Variants in PPARG observed in about 807,000 individuals in gnomAD.
PPARG encodes the protein peroxisome proliferator-activated receptor gamma.
PPARG carries 17 observed loss-of-function variants against 39.2 expected under a neutral mutation model. That is an observed-to-expected ratio of 0.43 (90% CI 0.30 to 0.65). PPARG has a LOEUF of 0.65. Among genes scored for constraint, PPARG ranks in the 30% least tolerant of loss-of-function variants. The probability of loss-of-function intolerance (pLI) is 0.13; values close to 1 mark genes in which losing one functional copy is unlikely to be tolerated. For missense variants in PPARG, 406 were observed against 585.9 expected (o/e 0.69, Z 3.17); for synonymous variants, 223 against 215.7 (o/e 1.03, Z -0.30).
intron 5 of PPARG, among the ~76,000 whole-genome samples, chr3:12,401,131 C>T (rs2050455013): frequency 1.3e-5 from 2 of 152,216 alleles, no homozygotes; most frequent in Admixed American, 6.5e-5. Flanking sequence ...TGTTCATCTT[C>T]TATTTCTAAG....
intron 2 of PPARG, chr3:12,351,722 G>A (rs759923616): frequency 1.2e-5 from 17 of 1,446,856 alleles, no homozygotes; most frequent in South Asian, 8.0e-5. Flanking sequence ...GGGCATTTAT[G>A]TAAGGGTAAA....
At chr3:12,365,734 G>A (rs2048995913) in intron 2 of PPARG, among the ~76,000 whole-genome samples, 1 of 151,958 alleles carries the variant, frequency 6.6e-6, no homozygotes, top group African/African-American at 2.4e-5. Context: ...CTATTTCTGG[G>A]CTCTGTATTC....
At chr3:12,390,889 G>A (rs1010866604) in intron 4 of PPARG, among the ~76,000 whole-genome samples, 4 of 151,938 alleles carry the variant, frequency 2.6e-5, no homozygotes, top group Admixed American at 6.6e-5. Flanking sequence ...GGACTCAAGC[G>A]ATCAATCCGC....
chr3:12,296,720 G>C (rs929518791), intron 1 of PPARG, among the ~76,000 whole-genome samples: 1 of 152,168 alleles, frequency 6.6e-6, no homozygotes, highest in African/African-American at 2.4e-5. Context: ...GTTCTTTTTA[G>C]CTTAGCATGG....
At position 12,382,119 on chromosome 3, in the gene PPARG, G is replaced by A. The variant is rs543121902; in HGVS notation, c.390+628G>A. On this transcript the variant is annotated intron_variant, in intron 4 of 7. Transcript: ENST00000651735. ...GTCATCCCTTAGTAAGTGGCAGACC[G>A]CAGTCTAGACCCTGACTCCTTAGGT... 2.8e-4 allele frequency among the ~76,000 whole-genome samples: 43 copies of A among 152,190 alleles called. 1 individual carries two copies. The South Asian group carries it at 7.3e-3, about 26-fold the overall frequency.
chr3:12,380,071 C>A, intron 3 of PPARG, 140 bp downstream of exon 3: 1 of 859,724 alleles, frequency 1.2e-6, no homozygotes, highest in Non-Finnish European at 1.9e-6. Flanking sequence ...ACCCATTTAT[C>A]CATGAAATAT....
At chr3:12,396,143 A>C (rs961520968) in intron 5 of PPARG, among the ~76,000 whole-genome samples, 1 of 151,586 alleles carries the variant, frequency 6.6e-6, no homozygotes, top group Non-Finnish European at 1.5e-5. Context: ...TTTTTTTGAG[A>C]TGGAGTCTCG....
At chr3:12,347,223 A>C (rs900095412) in intron 2 of PPARG, among the ~76,000 whole-genome samples, 2 of 151,324 alleles carry the variant, frequency 1.3e-5, no homozygotes, top group Admixed American at 6.6e-5. Context: ...GGTGGCGAGC[A>C]ACTGAAATCC....
intron 1 of PPARG, among the ~76,000 whole-genome samples, chr3:12,296,738 G>A (rs2124937956): frequency 6.6e-6 from 1 of 152,270 alleles, no homozygotes; most frequent in Admixed American, 6.5e-5. Flanking sequence ...TGGCTGCTTA[G>A]GAATCCCTAG....
chr3:12,294,493 C>T (rs952854746), intron 1 of PPARG, among the ~76,000 whole-genome samples: 1 of 152,166 alleles, frequency 6.6e-6, no homozygotes, highest in African/African-American at 2.4e-5. Flanking sequence ...TTAAAAGTAG[C>T]TTCCTAATAG....
At chr3:12,332,705 C>T (rs1297712744) in intron 2 of PPARG, among the ~76,000 whole-genome samples, 1 of 152,126 alleles carries the variant, frequency 6.6e-6, no homozygotes, top group Admixed American at 6.6e-5. Flanking sequence ...AATTATTCTA[C>T]TACCATTGCA....
At chr3:12,301,337 T>TA (rs1456931235) in intron 1 of PPARG, among the ~76,000 whole-genome samples, 1 of 152,202 alleles carries the variant, frequency 6.6e-6, no homozygotes, top group Non-Finnish European at 1.5e-5. Flanking sequence ...TATTCAGACT[T>TA]ACTACTCATG....
intron 1 of PPARG, among the ~76,000 whole-genome samples, chr3:12,309,838 G>C (rs1444549401): frequency 6.6e-6 from 1 of 152,294 alleles, no homozygotes. Context: ...AAATCATTGT[G>C]TGAGTAGAGA....
At chr3:12,415,143 A>AT (rs919327406) in intron 6 of PPARG, among the ~76,000 whole-genome samples, 10 of 152,114 alleles carry the variant, frequency 6.6e-5, no homozygotes, top group African/African-American at 2.4e-4. Flanking sequence ...GCTCAAAACA[A>AT]TCTTTACTTT....
chr3:12,343,058 A>G (rs1333818702), intron 2 of PPARG, among the ~76,000 whole-genome samples: 4 of 152,206 alleles, frequency 2.6e-5, no homozygotes, highest in Admixed American at 2.6e-4. Flanking sequence ...GTATTATTTA[A>G]TGATGTGCAC....
chr3:12,292,642 C>A (rs1171327411), intron 1 of PPARG, among the ~76,000 whole-genome samples: 1 of 152,124 alleles, frequency 6.6e-6, no homozygotes, highest in African/African-American at 2.4e-5. Context: ...ATTTTAAATT[C>A]TTCGCGTGAA....
At chr3:12,376,475 G>A (rs942956869) in intron 2 of PPARG, among the ~76,000 whole-genome samples, 5 of 152,198 alleles carry the variant, frequency 3.3e-5, no homozygotes, top group Middle Eastern at 3.4e-3. Flanking sequence ...GAGGAGAGTG[G>A]CCCCTCCTCC....
chr3:12,430,138 A>G (rs112413334), intron 7 of PPARG, among the ~76,000 whole-genome samples: 1 of 152,210 alleles, frequency 6.6e-6, no homozygotes, highest in Non-Finnish European at 1.5e-5. Context: ...CTTGAGCCTT[A>G]TCTCAATGGA....
chr3:12,321,415 C>T (rs934692708), intron 2 of PPARG, among the ~76,000 whole-genome samples: 1 of 152,166 alleles, frequency 6.6e-6, no homozygotes, highest in African/African-American at 2.4e-5. Flanking sequence ...TTTTGATACA[C>T]TTCTGCCCCC....
Sources: gnomAD v4.1 joint callset for allele counts (sites outside exome capture counted in the v4.1 genomes callset) on GRCh38, gnomAD v4.1.1 for gene constraint, MANE v1.5 for transcripts, NCBI Gene and HGNC (gene_info 2026-07-23, HGNC 2026-07-21) for gene names.